NOL4L: variants seen among roughly 807,000 people sequenced by gnomAD.
The protein encoded by NOL4L is nucleolar protein 4-like.
A neutral mutation model predicts 64.5 loss-of-function variants in NOL4L; 7 were observed. That is an observed-to-expected ratio of 0.11 (90% CI 0.06 to 0.20). NOL4L has a LOEUF of 0.20. Among genes scored for constraint, NOL4L ranks in the 10% least tolerant of loss-of-function variants. The probability of loss-of-function intolerance (pLI) is 1.00; values close to 1 mark genes in which losing one functional copy is unlikely to be tolerated. For synonymous variants in NOL4L, 413 were observed against 401.0 expected (o/e 1.03, Z -0.36); for missense variants, 680 against 967.1 (o/e 0.70, Z 3.94).
chr20:32,577,874 C>T (rs747982536), intron 1 of NOL4L, among the ~76,000 whole-genome samples: 1 of 152,076 alleles, frequency 6.6e-6, no homozygotes, highest in Non-Finnish European at 1.5e-5. Context: ...CAACATCCTT[C>T]ATCACCATTC....
intron 4 of NOL4L, among the ~76,000 whole-genome samples, chr20:32,500,883 A>G (rs1206538012): frequency 4.6e-5 from 7 of 152,272 alleles, no homozygotes; most frequent in Non-Finnish European, 8.8e-5. Context: ...TCATCAAAGC[A>G]TAAAATAAAC....
chr20:32,553,447 C>G (rs540293247), intron 1 of NOL4L, among the ~76,000 whole-genome samples: 1 of 152,370 alleles, frequency 6.6e-6, no homozygotes, highest in Admixed American at 6.5e-5. Flanking sequence ...CCCACCAGAT[C>G]CCCACATGGA....
intron 4 of NOL4L, chr20:32,483,222 GC>G (rs2015855952): frequency 2.9e-6 from 1 of 342,966 alleles, no homozygotes; most frequent in Non-Finnish European, 4.1e-6. Context: ...CTCCCCCTGC[GC>G]CCCCCTCCCC....
chr20:32,553,139 G>C (rs907086235), intron 1 of NOL4L, among the ~76,000 whole-genome samples: 3 of 152,106 alleles, frequency 2.0e-5, no homozygotes, highest in Admixed American at 2.0e-4. Flanking sequence ...CCTGTGGCGC[G>C]CCCTTCAAAA....
chr20:32,483,534 G>T (rs1260129741), intron 4 of NOL4L: 19 of 981,394 alleles, frequency 1.9e-5, no homozygotes, highest in Middle Eastern at 5.2e-4. Flanking sequence ...GGGCGGGGGT[G>T]GCCAGGAGGA....
At chr20:32,466,215 G>A (rs561481565) in intron 5 of NOL4L, among the ~76,000 whole-genome samples, 1 of 152,286 alleles carries the variant, frequency 6.6e-6, no homozygotes, top group African/African-American at 2.4e-5. Context: ...TGATCTGCCT[G>A]CCTTAGCCTC....
In NOL4L at chr20:32,483,767, G is replaced by A. The variant is rs558675219; in HGVS notation, c.700-9025C>T. Reference sequence around the variant, plus strand: ...AGGGAGGAGTGGGCACGGGGGGAAGGGGAGAGAGGAAAAGGAGGCACCCAG... The same window carrying A: ...AGGGAGGAGTGGGCACGGGGGGAAGAGGAGAGAGGAAAAGGAGGCACCCAG... On this transcript the variant is annotated intron_variant, in intron 4 of 10. Coordinates refer to ENST00000621426, the MANE Select transcript of NOL4L (RefSeq NM_001256798.2). Among the ~76,000 whole-genome samples the A allele has an allele frequency of 2.4e-3, 318 of 135,138 alleles. 2 individuals are homozygous for A. Among genetic ancestry groups the A allele is most frequent in the Middle Eastern group, 7.4e-3 (2 of 272 alleles). 88.7% of individuals were successfully genotyped at this position (135,138 alleles called of 152,430 possible).
At chr20:32,513,654 G>A (rs1403336624) in intron 3 of NOL4L, among the ~76,000 whole-genome samples, 1 of 152,164 alleles carries the variant, frequency 6.6e-6, no homozygotes, top group East Asian at 1.9e-4. Flanking sequence ...CTTGACCCCA[G>A]GAGTTCAAGG....
intron 4 of NOL4L, among the ~76,000 whole-genome samples, chr20:32,475,557 T>C (rs898183576): frequency 1.3e-5 from 2 of 152,216 alleles, no homozygotes; most frequent in Non-Finnish European, 2.9e-5. Context: ...CGGGGCCCCT[T>C]CAACCCAGCC....
chr20:32,464,202 C>T lies in NOL4L; in HGVS notation c.842-7807G>A, dbSNP rs1431771835. 6.6e-6 allele frequency among the ~76,000 whole-genome samples: 1 copy of T among 152,202 alleles called. No individual in the cohort carries two copies. Among genetic ancestry groups the T allele is most frequent in the Admixed American group, 6.5e-5 (1 of 15,288 alleles). ...GGCGTGCACCTCCCCAGGACTGGCC[C>T]CCTGCCTGCTTTGACAAAGGCCAGC... On this transcript the variant is annotated intron_variant, in intron 5 of 10. Coordinates refer to ENST00000621426, the MANE Select transcript of NOL4L (RefSeq NM_001256798.2). This position sits in a 1 kb window ranked among gnomAD's most constrained non-coding sequence, Gnocchi z 5.6.
intron 1 of NOL4L, among the ~76,000 whole-genome samples, chr20:32,541,548 G>A (rs964460739): frequency 4.6e-5 from 7 of 152,334 alleles, no homozygotes; most frequent in South Asian, 4.1e-4. Context: ...TCAGGAGCTC[G>A]TCTGGCCACA....
At chr20:32,511,218 A>G in intron 4 of NOL4L, 129 bp downstream of exon 4, 1 of 614,186 alleles carries the variant, frequency 1.6e-6, no homozygotes, top group Non-Finnish European at 2.9e-6. Context: ...AACCCAGATA[A>G]CCAGATAAGG....
intron 1 of NOL4L, among the ~76,000 whole-genome samples, chr20:32,560,334 G>A (rs186072576): frequency 1.3e-5 from 2 of 152,310 alleles, no homozygotes; most frequent in East Asian, 1.9e-4. Context: ...AGCGTGTCAA[G>A]GGAGCTATTA....
At chr20:32,514,939 C>T (rs937693284) in intron 3 of NOL4L, among the ~76,000 whole-genome samples, 6 of 152,098 alleles carry the variant, frequency 3.9e-5, no homozygotes, top group Admixed American at 2.0e-4. Flanking sequence ...CGGCCCCGGT[C>T]GGCCCTTCGT....
intron 1 of NOL4L, among the ~76,000 whole-genome samples, chr20:32,556,219 A>G (rs1001561927): frequency 6.7e-6 from 1 of 149,520 alleles, no homozygotes; most frequent in African/African-American, 2.4e-5. Flanking sequence ...CAGCACCACC[A>G]AGGCTTCTGG....
chr20:32,554,094 G>A (rs971869754), intron 1 of NOL4L, among the ~76,000 whole-genome samples: 1 of 152,160 alleles, frequency 6.6e-6, no homozygotes, highest in African/African-American at 2.4e-5. Context: ...GCCAAGGCGG[G>A]CGGATCACAA....
At chr20:32,541,223 TGGCACACAGTA>T (rs2018650140) in intron 1 of NOL4L, among the ~76,000 whole-genome samples, 1 of 152,208 alleles carries the variant, frequency 6.6e-6, no homozygotes, top group Non-Finnish European at 1.5e-5. Flanking sequence ...TCCTGTTCTC[TGGCACACAGTA>T]GGCACTCGAC....
chr20:32,576,232 G>C (rs1246829221), intron 1 of NOL4L, among the ~76,000 whole-genome samples: 2 of 152,166 alleles, frequency 1.3e-5, no homozygotes. Context: ...GGGTTATGTG[G>C]GCAGGGAACA....
At chr20:32,552,126 G>A (rs937950577) in intron 1 of NOL4L, among the ~76,000 whole-genome samples, 4 of 151,912 alleles carry the variant, frequency 2.6e-5, no homozygotes. Context: ...TGTGGCATGT[G>A]AATTATATCT....
Sources: gnomAD v4.1 joint callset for allele counts (sites outside exome capture counted in the v4.1 genomes callset) on GRCh38, gnomAD v4.1.1 for gene constraint, Gnocchi (gnomAD v3.1) non-coding constraint, MANE v1.5 for transcripts, NCBI Gene and HGNC (gene_info 2026-07-23, HGNC 2026-07-21) for gene names.